HS6ST3: variants seen among roughly 807,000 people sequenced by gnomAD.
HS6ST3 encodes heparan-sulfate 6-O-sulfotransferase 3.
HS6ST3 carries 12 observed loss-of-function variants against 36.7 expected under a neutral mutation model. The observed-to-expected ratio is 0.33, with a 90% CI of 0.21 to 0.53. HS6ST3 has a LOEUF of 0.53. Among genes scored for constraint, HS6ST3 ranks in the 20% least tolerant of loss-of-function variants. HS6ST3 has a pLI of 0.95. For synonymous variants in HS6ST3, 240 were observed against 257.5 expected (o/e 0.93, Z 0.65); for missense variants, 584 against 640.9 (o/e 0.91, Z 0.96).
chr13:96,585,102 ATATT>A (rs1017842728), intron 1 of HS6ST3, among the ~76,000 whole-genome samples: 8 of 152,212 alleles, frequency 5.3e-5, no homozygotes, highest in Admixed American at 3.3e-4. Context: ...GCATGGAAAA[ATATT>A]TATTTAGACC....
chr13:96,492,831 T>G (rs1229460340), intron 1 of HS6ST3, among the ~76,000 whole-genome samples: 1 of 152,078 alleles, frequency 6.6e-6, no homozygotes, highest in Admixed American at 6.6e-5. Flanking sequence ...GGTTGAGAGG[T>G]CTTAATTTCT....
intron 1 of HS6ST3, among the ~76,000 whole-genome samples, chr13:96,202,036 T>G (rs2054344510): frequency 6.6e-6 from 1 of 152,222 alleles, no homozygotes; most frequent in Non-Finnish European, 1.5e-5. Flanking sequence ...CCAAACCATC[T>G]TAATATAGAT....
At chr13:96,204,649 G>A (rs1288547281) in intron 1 of HS6ST3, among the ~76,000 whole-genome samples, 2 of 152,112 alleles carry the variant, frequency 1.3e-5, no homozygotes, top group Non-Finnish European at 2.9e-5. Flanking sequence ...CAGTCTCTCA[G>A]ACCACAGTGC....
Position 96,832,471 on chromosome 13 carries a change from T to C in HS6ST3, c.708-19T>C. ...TTAGAGTTGTCAACTACTGATGCTC[T>C]TCCTCTAATTTCTTCTAGGAATTTC... On this transcript the variant is annotated intron_variant, in intron 1 of 1. Coordinates refer to ENST00000376705, the MANE Select transcript of HS6ST3 (RefSeq NM_153456.4). 6.6e-7 allele frequency: 1 copy of C among 1,517,982 alleles called. No individual in the cohort carries two copies. Among genetic ancestry groups the C allele is most frequent in the Non-Finnish European group, 8.9e-7 (1 of 1,129,236 alleles). The allele number at this position is 1,517,982 out of a possible 1,614,324, so 94.0% of individuals were successfully genotyped here.
chr13:96,231,838 G>A (rs113912855), intron 1 of HS6ST3, among the ~76,000 whole-genome samples: 1,801 of 152,282 alleles, frequency 0.012, 40 homozygotes, highest in African/African-American at 0.041. Flanking sequence ...AGAGTACATA[G>A]GGGGGTTAAC....
At chr13:96,377,674 A>G (rs763741553) in intron 1 of HS6ST3, among the ~76,000 whole-genome samples, 2 of 152,214 alleles carry the variant, frequency 1.3e-5, no homozygotes, top group Non-Finnish European at 2.9e-5. Flanking sequence ...CTTAGGATAC[A>G]GGTGCTGACA....
At chr13:96,541,131 C>T (rs1028076989) in intron 1 of HS6ST3, among the ~76,000 whole-genome samples, 1 of 152,182 alleles carries the variant, frequency 6.6e-6, no homozygotes, top group African/African-American at 2.4e-5. Flanking sequence ...CTCCCGGGTT[C>T]AAGTGATTCT....
intron 1 of HS6ST3, among the ~76,000 whole-genome samples, chr13:96,632,758 A>G (rs959722075): frequency 1.3e-5 from 2 of 152,218 alleles, no homozygotes; most frequent in African/African-American, 4.8e-5. Flanking sequence ...TTTTGCAGCA[A>G]TTACATTTCT....
rs540136896 is a variant in HS6ST3, at chr13:96,818,583, G to C, written c.708-13907G>C. On this transcript the variant is annotated intron_variant, in intron 1 of 1. Coordinates refer to ENST00000376705, the MANE Select transcript of HS6ST3 (RefSeq NM_153456.4). ...ACAAAAGCCTTGGTGTTTGGGCCTGGATAAAATACATGAAAGTTAAAGATG... is the reference window on the plus strand; with the variant it reads ...ACAAAAGCCTTGGTGTTTGGGCCTGCATAAAATACATGAAAGTTAAAGATG... Among the ~76,000 whole-genome samples, 5 of 152,290 alleles carry C rather than the reference G, an allele frequency of 3.3e-5. No homozygotes were observed. In the East Asian group the frequency reaches 9.6e-4, roughly 29 times the overall value.
At chr13:96,781,329 C>A (rs926038557) in intron 1 of HS6ST3, among the ~76,000 whole-genome samples, 7 of 152,182 alleles carry the variant, frequency 4.6e-5, no homozygotes, top group African/African-American at 1.7e-4. Flanking sequence ...GTTGGGTGAG[C>A]AAAGCATGAG....
At chr13:96,526,508 A>T (rs2056115061) in intron 1 of HS6ST3, among the ~76,000 whole-genome samples, 1 of 152,186 alleles carries the variant, frequency 6.6e-6, no homozygotes, top group Non-Finnish European at 1.5e-5. Flanking sequence ...ATTAGGAGGT[A>T]TCAGTGAAGA....
intron 1 of HS6ST3, among the ~76,000 whole-genome samples, chr13:96,539,523 T>C (rs1437334629): frequency 6.6e-6 from 1 of 151,992 alleles, no homozygotes; most frequent in Non-Finnish European, 1.5e-5. Flanking sequence ...ACCCAGCTGA[T>C]TTTTTGTATT....
chr13:96,481,788 G>A (rs533086770), intron 1 of HS6ST3, among the ~76,000 whole-genome samples: 1 of 152,284 alleles, frequency 6.6e-6, no homozygotes, highest in East Asian at 1.9e-4. Flanking sequence ...GCTGTGAGGT[G>A]GGATAACATT....
intron 1 of HS6ST3, among the ~76,000 whole-genome samples, chr13:96,821,519 A>G (rs1288771920): frequency 6.6e-6 from 1 of 152,248 alleles, no homozygotes; most frequent in Admixed American, 6.5e-5. Flanking sequence ...TTGATGACTA[A>G]GTTGGTGAAC....
intron 1 of HS6ST3, among the ~76,000 whole-genome samples, chr13:96,543,890 T>C (rs542090531): frequency 1.3e-5 from 2 of 151,480 alleles, no homozygotes; most frequent in African/African-American, 4.8e-5. Flanking sequence ...CAGAATCAAA[T>C]TTTTTTTTCT....
intron 1 of HS6ST3, among the ~76,000 whole-genome samples, chr13:96,576,696 C>T (rs1341932554): frequency 1.3e-5 from 2 of 151,966 alleles, no homozygotes; most frequent in African/African-American, 4.8e-5. Context: ...AATCCCAGCA[C>T]TTTGGGAGGC....
chr13:96,601,230 G>A (rs1408859573), intron 1 of HS6ST3, among the ~76,000 whole-genome samples: 1 of 152,070 alleles, frequency 6.6e-6, no homozygotes, highest in Non-Finnish European at 1.5e-5. Flanking sequence ...GCCCAAGAAA[G>A]TTTTCCTCAA....
chr13:96,485,879 T>G (rs1025233444), intron 1 of HS6ST3, among the ~76,000 whole-genome samples: 4 of 152,184 alleles, frequency 2.6e-5, no homozygotes, highest in African/African-American at 9.7e-5. Flanking sequence ...TTTTTTTTAT[T>G]ATACTTTAAG....
chr13:96,573,914 A>G (rs1163157086), intron 1 of HS6ST3: 2 of 511,978 alleles, frequency 3.9e-6, no homozygotes, highest in East Asian at 5.3e-5. Context: ...TGGCAGCTCC[A>G]CAAAGAATCC....
Sources: allele counts gnomAD v4.1 joint callset (sites outside exome capture counted in the v4.1 genomes callset), GRCh38; gene constraint gnomAD v4.1.1; transcripts MANE v1.5; gene names NCBI Gene and HGNC (gene_info 2026-07-23, HGNC 2026-07-21).